FOXK1: variants seen among roughly 807,000 people sequenced by gnomAD.
FOXK1 encodes the protein forkhead box protein K1.
In FOXK1, 19 loss-of-function variants were observed where a neutral mutation model predicts 51.9. The observed-to-expected ratio is 0.37, with a 90% CI of 0.26 to 0.54. The LOEUF is 0.54. Ranked by LOEUF, FOXK1 falls within the 20% of genes least tolerant of loss-of-function variation. The pLI, the probability that FOXK1 is intolerant of heterozygous loss-of-function variation, is 0.87. For synonymous variants in FOXK1, 537 were observed against 482.6 expected (o/e 1.11, Z -1.48); for missense variants, 870 against 1,032.7 (o/e 0.84, Z 2.16).
rs1780111616 is a variant in FOXK1, at chr7:4,707,099, G to C, written c.560+24231G>C. The stretch of plus-strand genomic sequence containing the variant: ...CTTTGTCCGTAATGGCCACCTTCCA[G>C]TCTTAGAGAAGCAGCGATGTCTCCC... On this transcript the variant is annotated intron_variant, in intron 1 of 8. Transcript: ENST00000328914. The surrounding 1 kb of genome is among the most constrained non-coding windows in gnomAD (Gnocchi z 4.1). Among the ~76,000 whole-genome samples the C allele has an allele frequency of 6.6e-6, 1 of 152,230 alleles. No individual in the cohort carries two copies. The highest frequency in any genetic ancestry group is 6.5e-5 in the Admixed American group (1 of 15,286).
intron 1 of FOXK1, among the ~76,000 whole-genome samples, chr7:4,710,390 C>T (rs1360010645): frequency 1.3e-5 from 2 of 152,148 alleles, no homozygotes; most frequent in Non-Finnish European, 2.9e-5. Context: ...GCCTGGCCAA[C>T]ATGGTGAAAC....
chr7:4,712,524 C>A (rs939615773), intron 1 of FOXK1, among the ~76,000 whole-genome samples: 1 of 152,076 alleles, frequency 6.6e-6, no homozygotes, highest in Non-Finnish European at 1.5e-5. Flanking sequence ...GCAGCTGAAC[C>A]CATTTGTCCT....
rs972309432 is a variant in FOXK1 at position 4,734,749 on chromosome 7, G to A, written c.561-6089G>A. On this transcript the variant is annotated intron_variant, in intron 1 of 8. Coordinates refer to ENST00000328914, the MANE Select transcript of FOXK1 (RefSeq NM_001037165.2). The surrounding 1 kb of genome is among the most constrained non-coding windows in gnomAD (Gnocchi z 5.2). The stretch of plus-strand genomic sequence containing the variant: ...TGGTCCTCCTGCAGAATTTCAGGTC[G>A]CAAGGCTATTTTTGGCGTGAGATGT... 5.3e-5 allele frequency among the ~76,000 whole-genome samples: 8 copies of A among 152,152 alleles called. No individual in the cohort carries two copies. In the South Asian group the frequency reaches 8.3e-4, roughly 16 times the overall value.
At chr7:4,718,385 G>A (rs1467366654) in intron 1 of FOXK1, among the ~76,000 whole-genome samples, 1 of 152,244 alleles carries the variant, frequency 6.6e-6, no homozygotes, top group East Asian at 1.9e-4. Flanking sequence ...TCAGAAGCGG[G>A]CTCGTCCGCA....
At chr7:4,705,517 T>TTCTC (rs56842360) in intron 1 of FOXK1, among the ~76,000 whole-genome samples, 3,782 of 111,118 alleles carry the variant, frequency 0.034, 157 homozygotes, top group Admixed American at 0.099. Context: ...TTCCTTCTCT[T>TTCTC]TCTCTCTCTC....
At chr7:4,757,615 CAA>C (rs1193166099) in intron 5 of FOXK1, among the ~76,000 whole-genome samples, 6 of 74,414 alleles carry the variant, frequency 8.1e-5, no homozygotes, top group Non-Finnish European at 1.5e-4. Context: ...GCCTGGGCGA[CAA>C]GAGCAAAACT....
At position 4,767,460 on chromosome 7, in the gene FOXK1, T is replaced by G. The variant is rs1362001108; in HGVS notation, c.*4996T>G. ...TTTACCCACAGCCTCGCCTCGAGCC[T>G]CCTTGACAATACCGCTGCTTCAAAG... is the stretch of plus-strand genomic sequence containing the variant. On this transcript the variant is annotated 3_prime_UTR_variant, in exon 9 of 9. Coordinates refer to ENST00000328914, the MANE Select transcript of FOXK1 (RefSeq NM_001037165.2). This position sits in a 1 kb window ranked among gnomAD's most constrained non-coding sequence, Gnocchi z 6.6. 6.6e-6 allele frequency: 1 copy of G among 152,216 alleles called. No homozygotes were observed. The highest frequency in any genetic ancestry group is 6.5e-5 in the Admixed American group (1 of 15,286). The allele number at this position is 152,216 out of a possible 1,614,324, so 9.4% of individuals were successfully genotyped here.
At chr7:4,692,451 A>G (rs1055270331) in intron 1 of FOXK1, among the ~76,000 whole-genome samples, 28 of 152,148 alleles carry the variant, frequency 1.8e-4, no homozygotes, top group Non-Finnish European at 3.8e-4. Flanking sequence ...CTGGAGGGGC[A>G]GTGGCACGAT....
chr7:4,717,499 T>A (rs989598963), intron 1 of FOXK1, among the ~76,000 whole-genome samples: 1 of 133,186 alleles, frequency 7.5e-6, no homozygotes, highest in Non-Finnish European at 1.6e-5. Context: ...CTGGGAGGCG[T>A]ATGGCTGGGA....
At chr7:4,688,620 C>G (rs574360110) in intron 1 of FOXK1, among the ~76,000 whole-genome samples, 1 of 152,068 alleles carries the variant, frequency 6.6e-6, no homozygotes, top group African/African-American at 2.4e-5. Flanking sequence ...AGTCCTGTCT[C>G]CAGTGATCTG....
chr7:4,747,250 C>T lies in FOXK1; in HGVS notation c.746+6227C>T, dbSNP rs1411335412. Reference sequence around the variant, plus strand: ...ATGGCTTCTGTGCGGGCATGTTACGCACGAGGACAGCCCTTTCCGGGTTCC... The same window carrying T: ...ATGGCTTCTGTGCGGGCATGTTACGTACGAGGACAGCCCTTTCCGGGTTCC... On this transcript the variant is annotated intron_variant, in intron 2 of 8. Transcript: ENST00000328914. The surrounding 1 kb of genome is among the most constrained non-coding windows in gnomAD (Gnocchi z 9.2). Among the ~76,000 whole-genome samples the T allele has an allele frequency of 2.6e-5, 4 of 151,924 alleles. No individual in the cohort carries two copies. Among genetic ancestry groups the T allele is most frequent in the Non-Finnish European group, 5.9e-5 (4 of 67,918 alleles).
Position 4,756,896 on chromosome 7 carries a change from TC to T in FOXK1, c.1051-94del. ...AAGGGCTCTGCACAGAGGGACGGCC[TC>T]CCCTCACCCTGGTCCCGCATCTGCT... is the stretch of plus-strand genomic sequence containing the variant. On this transcript the variant is annotated intron_variant, in intron 4 of 8. Coordinates refer to ENST00000328914, the MANE Select transcript of FOXK1 (RefSeq NM_001037165.2). The surrounding 1 kb of genome is among the most constrained non-coding windows in gnomAD (Gnocchi z 4.1). 7.4e-7 allele frequency: 1 copy of T among 1,342,868 alleles called. No homozygotes were observed. Among genetic ancestry groups the T allele is most frequent in the Middle Eastern group, 2.6e-4 (1 of 3,852 alleles). 83.2% of individuals were successfully genotyped at this position (1,342,868 alleles called of 1,614,324 possible).
At chr7:4,686,499 G>A (rs1469526535) in intron 1 of FOXK1, among the ~76,000 whole-genome samples, 1 of 152,206 alleles carries the variant, frequency 6.6e-6, no homozygotes, top group East Asian at 1.9e-4. Flanking sequence ...ACTACGCCTG[G>A]TGGGTAAGCA....
At chr7:4,708,786 C>T (rs113173649) in intron 1 of FOXK1, among the ~76,000 whole-genome samples, 40 of 152,182 alleles carry the variant, frequency 2.6e-4, no homozygotes, top group African/African-American at 7.9e-4. Flanking sequence ...CTGGTAAGGC[C>T]GGGCTTGGTG....
chr7:4,705,954 A>G (rs535773535), intron 1 of FOXK1, among the ~76,000 whole-genome samples: 1 of 125,954 alleles, frequency 7.9e-6, no homozygotes, highest in South Asian at 2.2e-4. Flanking sequence ...AATTATATAT[A>G]TATATGTATA....
rs906488206 is a variant in FOXK1, at chr7:4,761,452, G to T, written c.1921+164G>T. 2.0e-5 allele frequency among the ~76,000 whole-genome samples: 3 copies of T among 152,188 alleles called. No individual in the cohort carries two copies. Among genetic ancestry groups the T allele is most frequent in the Non-Finnish European group, 4.4e-5 (3 of 68,036 alleles). On this transcript the variant is annotated intron_variant, in intron 8 of 8. Coordinates refer to ENST00000328914, the MANE Select transcript of FOXK1 (RefSeq NM_001037165.2). The surrounding 1 kb of genome is among the most constrained non-coding windows in gnomAD (Gnocchi z 6.2). The stretch of plus-strand genomic sequence containing the variant: ...CACTGGGGTAATGCAAAGAAAAAGA[G>T]GGTGGAAGGGGCCACCTATCATCCC...
rs961590728 is a variant in FOXK1 at position 4,722,049 on chromosome 7, A to C, written c.561-18789A>C. ...GAGACTGGTGACCCCGCTGCATCCCATACCCTCCACCCATCCCAGCAGCCT... is the reference window on the plus strand; with the variant it reads ...GAGACTGGTGACCCCGCTGCATCCCCTACCCTCCACCCATCCCAGCAGCCT... On this transcript the variant is annotated intron_variant, in intron 1 of 8. Coordinates refer to ENST00000328914, the MANE Select transcript of FOXK1 (RefSeq NM_001037165.2). The surrounding 1 kb of genome is among the most constrained non-coding windows in gnomAD (Gnocchi z 5.1). 6.6e-6 allele frequency among the ~76,000 whole-genome samples: 1 copy of C among 152,194 alleles called. No homozygotes were observed. Among genetic ancestry groups the C allele is most frequent in the Non-Finnish European group, 1.5e-5 (1 of 68,030 alleles).
rs6952604 is a variant in FOXK1, at chr7:4,731,904, C to T, written c.561-8934C>T. On this transcript the variant is annotated intron_variant, in intron 1 of 8. Coordinates refer to ENST00000328914, the MANE Select transcript of FOXK1 (RefSeq NM_001037165.2). This position sits in a 1 kb window ranked among gnomAD's most constrained non-coding sequence, Gnocchi z 5.3. ...CAGTAACCGCTTGCTACGTGCCAGC[C>T]GTCCGGTCAGGACTGATGTTCACGG... Among the ~76,000 whole-genome samples, 1,069 of 152,318 alleles carry T rather than the reference C, an allele frequency of 7.0e-3. 12 individuals are homozygous for T. Among genetic ancestry groups the T allele is most frequent in the African/African-American group, 0.025 (1,026 of 41,568 alleles).
At chr7:4,696,821 A>G (rs901461746) in intron 1 of FOXK1, among the ~76,000 whole-genome samples, 4 of 152,142 alleles carry the variant, frequency 2.6e-5, no homozygotes, top group African/African-American at 9.7e-5. Flanking sequence ...TAATCCTAAC[A>G]CTTTGGGAGG....
Sources: allele counts gnomAD v4.1 joint callset (sites outside exome capture counted in the v4.1 genomes callset), GRCh38; gene constraint gnomAD v4.1.1; non-coding constraint Gnocchi (gnomAD v3.1); transcripts MANE v1.5; gene names NCBI Gene and HGNC (gene_info 2026-07-23, HGNC 2026-07-21).